Variants in NCKAP1 observed in about 807,000 individuals in gnomAD.
The protein encoded by NCKAP1 is nck-associated protein 1.
In NCKAP1, 21 loss-of-function variants were observed where a neutral mutation model predicts 151.2. The ratio of observed to expected loss-of-function variants is 0.14; its 90% CI spans 0.10 to 0.20. The LOEUF is 0.20. NCKAP1 is among the 10% of genes least tolerant of loss of function. The pLI is 1.00. For missense variants in NCKAP1, 933 were observed against 1,352.1 expected (o/e 0.69, Z 4.86); for synonymous variants, 484 against 451.8 (o/e 1.07, Z -0.90).
intron 14 of NCKAP1, among the ~76,000 whole-genome samples, chr2:182,977,621 C>T (rs540114954): frequency 6.6e-6 from 1 of 152,270 alleles, no homozygotes; most frequent in African/African-American, 2.4e-5. Context: ...AAGACAAATA[C>T]TCTGTGATTC....
chr2:182,995,689 A>G lies in NCKAP1; in HGVS notation c.741+12T>C, dbSNP rs1217864067. ...CTTTATTTTCATTCAAAAGAGAAAA[A>G]TAGAACCATACAGTGTCGGACTGTG... On this transcript the variant is annotated intron_variant, in intron 7 of 30. Coordinates refer to ENST00000361354, the MANE Select transcript of NCKAP1 (RefSeq NM_013436.5). 1 of 1,603,002 alleles carries G rather than the reference A, an allele frequency of 6.2e-7. No homozygotes were observed. Among genetic ancestry groups the G allele is most frequent in the East Asian group, 2.2e-5 (1 of 44,800 alleles).
In NCKAP1 at chr2:182,935,349, T is replaced by A. The variant is rs1172678416; in HGVS notation, c.2722A>T (p.Thr908Ser). The A allele has an allele frequency of 3.2e-6, 5 of 1,586,398 alleles. No individual in the cohort carries two copies. The South Asian group carries it at 5.9e-5, about 19-fold the overall frequency. The change falls in exon 25 of 31, where the codon ACA becomes TCA. Residue 908 changes from threonine to serine, a missense_variant. Physicochemically the swap from Thr to Ser is moderately conservative, Grantham distance 58 (BLOSUM62 1). Transcript: ENST00000361354. ...AAGGATAAAATTACACCAATTATTGTCATCCTCTTCAAGACACTGTCAACA... is the reference window on the plus strand; with the variant it reads ...AAGGATAAAATTACACCAATTATTGACATCCTCTTCAAGACACTGTCAACA... ...SSVDSVLKRMTIIGVILSFRS... is the reference protein window; with the variant it reads ...SSVDSVLKRMSIIGVILSFRS...
At chr2:183,004,474 T>C (rs1487589227) in intron 2 of NCKAP1, among the ~76,000 whole-genome samples, 2 of 135,728 alleles carry the variant, frequency 1.5e-5, no homozygotes, top group African/African-American at 3.1e-5. Flanking sequence ...GAAAAACCTA[T>C]TTAAAACAGC....
chr2:182,964,076 T>A (rs1161348804), intron 17 of NCKAP1, among the ~76,000 whole-genome samples: 1 of 152,134 alleles, frequency 6.6e-6, no homozygotes, highest in African/African-American at 2.4e-5. Flanking sequence ...ATCTTTATAT[T>A]TTTATCACAT....
chr2:183,017,115 T>C (rs147769704), intron 2 of NCKAP1, among the ~76,000 whole-genome samples: 157 of 152,184 alleles, frequency 1.0e-3, no homozygotes, highest in Non-Finnish European at 1.6e-3. Context: ...TGTGGAGCTG[T>C]CCAAAGGGGT....
intron 2 of NCKAP1, among the ~76,000 whole-genome samples, chr2:183,013,204 C>T (rs1159467798): frequency 2.0e-5 from 3 of 149,448 alleles, no homozygotes; most frequent in Non-Finnish European, 4.5e-5. Context: ...ACTTGACAGT[C>T]AGCTTAAACC....
chr2:182,948,948 CAG>C (rs1410745230), intron 23 of NCKAP1, among the ~76,000 whole-genome samples: 1 of 152,108 alleles, frequency 6.6e-6, no homozygotes, highest in South Asian at 2.1e-4. Flanking sequence ...ACAAAAAAAA[CAG>C]AGTTTGTACA....
At chr2:182,984,423 G>GGGTGTGT (rs984252600) in intron 10 of NCKAP1, among the ~76,000 whole-genome samples, 4 of 144,282 alleles carry the variant, frequency 2.8e-5, no homozygotes, top group Non-Finnish European at 4.7e-5. Context: ...TTTAGATTGG[G>GGGTGTGT]GTGTGTGTGT....
intron 10 of NCKAP1, among the ~76,000 whole-genome samples, chr2:182,984,938 G>A (rs1698019806): frequency 1.3e-5 from 2 of 152,068 alleles, no homozygotes; most frequent in African/African-American, 4.8e-5. Context: ...AATTGTAAAA[G>A]ATCTTTATAA....
chr2:183,003,206 T>TAG (rs1439487555), intron 3 of NCKAP1, 27 bp downstream of exon 3: 1 of 1,344,062 alleles, frequency 7.4e-7, no homozygotes, highest in Non-Finnish European at 1.0e-6. Context: ...TTCTGAAGTG[T>TAG]TAAATATTAT....
chr2:182,948,707 A>G (rs1697155740), intron 23 of NCKAP1, among the ~76,000 whole-genome samples: 1 of 152,210 alleles, frequency 6.6e-6, no homozygotes, highest in South Asian at 2.1e-4. Context: ...ATTTCACAAA[A>G]TATAAGATGT....
In NCKAP1 at chr2:182,925,657, C is replaced by T. The variant is rs1022597150; in HGVS notation, c.*45G>A. ...ATAGTTCCACAGTCTACAGGTAAAACCAAGGCAACAAAAATGCGTGCTTAT... is the reference window on the plus strand; with the variant it reads ...ATAGTTCCACAGTCTACAGGTAAAATCAAGGCAACAAAAATGCGTGCTTAT... On this transcript the variant is annotated 3_prime_UTR_variant, in exon 31 of 31. Transcript: ENST00000361354. 8 of 1,200,496 alleles carry T rather than the reference C, an allele frequency of 6.7e-6. No individual in the cohort carries two copies. The highest frequency in any genetic ancestry group is 2.3e-5 in the Admixed American group (1 of 42,722). The allele number at this position is 1,200,496 out of a possible 1,614,324, so 74.4% of individuals were successfully genotyped here.
At position 182,912,658 on chromosome 2, in the gene NCKAP1, A is replaced by G. The variant is rs997106125; in HGVS notation, c.*13044T>C. 2 of 152,246 alleles carry G rather than the reference A, an allele frequency of 1.3e-5. No homozygotes were observed. Among genetic ancestry groups the G allele is most frequent in the Admixed American group, 1.3e-4 (2 of 15,276 alleles). The allele number at this position is 152,246 out of a possible 1,614,324, so 9.4% of individuals were successfully genotyped here. On this transcript the variant is annotated 3_prime_UTR_variant, in exon 31 of 31. Coordinates refer to ENST00000361354, the MANE Select transcript of NCKAP1 (RefSeq NM_013436.5). ...AATGCTTGGCTAGTTAGCCATAATA[A>G]AAATGGAATTTGAATGTTAGAGTGC...
At chr2:182,935,528 A>G in intron 24 of NCKAP1, 153 bp from the exon 25 acceptor site, 1 of 509,602 alleles carries the variant, frequency 2.0e-6, no homozygotes, top group Non-Finnish European at 3.4e-6. Context: ...ATGATTAAAG[A>G]GAGAAAGATG....
intron 23 of NCKAP1, chr2:182,946,884 A>G (rs889522767): frequency 2.6e-5 from 4 of 152,232 alleles, no homozygotes; most frequent in Non-Finnish European, 5.9e-5. Context: ...AAAATGCAGA[A>G]GCAAGTTAAA....
intron 15 of NCKAP1, among the ~76,000 whole-genome samples, chr2:182,971,398 A>AAG (rs1697688622): frequency 6.9e-6 from 1 of 144,334 alleles, no homozygotes; most frequent in Admixed American, 6.7e-5. Flanking sequence ...CGTCTCAAAA[A>AAG]AAAAAAAAAA....
chr2:182,992,410 T>C (rs1698187237), intron 8 of NCKAP1, among the ~76,000 whole-genome samples: 1 of 152,186 alleles, frequency 6.6e-6, no homozygotes, highest in Admixed American at 6.5e-5. Context: ...ACTTACCGGC[T>C]CATTACACAA....
intron 26 of NCKAP1, among the ~76,000 whole-genome samples, chr2:182,931,657 A>G (rs536685299): frequency 6.6e-6 from 1 of 152,118 alleles, no homozygotes; most frequent in African/African-American, 2.4e-5. Context: ...ACAAACCCCC[A>G]AAAACAGATA....
At chr2:182,960,625 A>C (rs1227243167) in intron 18 of NCKAP1, among the ~76,000 whole-genome samples, 1 of 152,274 alleles carries the variant, frequency 6.6e-6, no homozygotes, top group Non-Finnish European at 1.5e-5. Flanking sequence ...AAACCATAAA[A>C]ACTCTAGAAG....
Sources: allele counts gnomAD v4.1 joint callset (sites outside exome capture counted in the v4.1 genomes callset), GRCh38; gene constraint gnomAD v4.1.1; transcripts MANE v1.5; gene names NCBI Gene and HGNC (gene_info 2026-07-23, HGNC 2026-07-21).